PHACTR1: variants seen among roughly 807,000 people sequenced by gnomAD.
PHACTR1 encodes RPEL repeat containing 1.
A neutral mutation model predicts 69.2 loss-of-function variants in PHACTR1; 16 were observed. The observed-to-expected ratio is 0.23, with a 90% confidence interval of 0.16 to 0.35. The LOEUF (loss-of-function observed/expected upper bound fraction) is 0.35. Ranked by LOEUF, PHACTR1 falls within the 10% of genes least tolerant of loss-of-function variation. The pLI is 1.00. For missense variants in PHACTR1, 510 were observed against 734.7 expected, an observed-to-expected ratio of 0.69 and a Z score of 3.54; for synonymous variants, 312 against 284.5, an observed-to-expected ratio of 1.10 and a Z score of -0.97.
At chr6:12,753,621 G>C (rs1401374528) in intron 4 of PHACTR1, among the ~76,000 whole-genome samples, 1 of 152,084 alleles carries the variant, frequency 6.6e-6, no homozygotes, top group African/African-American at 2.4e-5. Flanking sequence ...TAACAGTATG[G>C]TCAACACCAG....
chr6:13,273,010 C>A lies in PHACTR1; in HGVS notation c.1447+95C>A, dbSNP rs116258059. 3.4e-3 allele frequency: 5,137 copies of A among 1,524,248 alleles called. 129 individuals are homozygous for A. The African/African-American group carries it at 0.053, about 16-fold the overall frequency. 94.4% of individuals were successfully genotyped at this position (1,524,248 alleles called of 1,614,324 possible). On this transcript the variant is annotated intron_variant, in intron 11 of 14. Coordinates refer to ENST00000332995, the MANE Select transcript of PHACTR1 (RefSeq NM_030948.6). ...ACAAGGTTTCTACCTTGCGCCTCTG[C>A]GGAAAGCATTGAAAACCTTTCTAAC...
At chr6:13,209,905 T>C (rs898301687) in intron 8 of PHACTR1, among the ~76,000 whole-genome samples, 4 of 152,232 alleles carry the variant, frequency 2.6e-5, no homozygotes, top group Non-Finnish European at 5.9e-5. Flanking sequence ...ATAGCTACCA[T>C]TCCCTTCATT....
At chr6:13,100,800 T>G (rs1471054598) in intron 5 of PHACTR1, among the ~76,000 whole-genome samples, 2 of 152,218 alleles carry the variant, frequency 1.3e-5, no homozygotes, top group Non-Finnish European at 2.9e-5. Flanking sequence ...TTATATCTCC[T>G]CAGTTACTTA....
intron 4 of PHACTR1, among the ~76,000 whole-genome samples, chr6:12,862,074 C>T (rs756566782): frequency 6.6e-6 from 1 of 151,950 alleles, no homozygotes; most frequent in South Asian, 2.1e-4. Context: ...ATTGTCTGTG[C>T]TTTTAAAGAA....
chr6:13,036,991 A>T (rs1202302674), intron 4 of PHACTR1, among the ~76,000 whole-genome samples: 1 of 152,182 alleles, frequency 6.6e-6, no homozygotes, highest in Non-Finnish European at 1.5e-5. Flanking sequence ...GTAGGGTCAT[A>T]TCAATTAGGA....
intron 3 of PHACTR1, among the ~76,000 whole-genome samples, chr6:12,720,713 A>C (rs1292438448): frequency 6.6e-6 from 1 of 152,038 alleles, no homozygotes; most frequent in African/African-American, 2.4e-5. Flanking sequence ...GTGTTTCAAA[A>C]CCCCCAGTCT....
rs578199080 is a variant in PHACTR1, at chr6:12,870,717, A to G, written c.250+120927A>G. Reference sequence around the variant, plus strand: ...ACGTTAAGCCTCTCCTTCTGGGTACATCAAAACTTCCTAAGCCCATCCTCA... The same window carrying G: ...ACGTTAAGCCTCTCCTTCTGGGTACGTCAAAACTTCCTAAGCCCATCCTCA... On this transcript the variant is annotated intron_variant, in intron 4 of 14. Coordinates refer to ENST00000332995, the MANE Select transcript of PHACTR1 (RefSeq NM_030948.6). Among the ~76,000 whole-genome samples, 8 of 152,286 alleles carry G rather than the reference A, an allele frequency of 5.3e-5. No individual in the cohort carries two copies. The South Asian group carries it at 1.0e-3, about 20-fold the overall frequency.
rs374592555 is a variant in PHACTR1 at position 13,272,556 on chromosome 6, G to A, written c.1392-304G>A. The A allele has an allele frequency of 2.7e-4, 162 of 605,528 alleles. 1 individual carries two copies. The African/African-American group carries it at 2.7e-3, about 10-fold the overall frequency. The allele number at this position is 605,528 out of a possible 1,614,324, so 37.5% of individuals were successfully genotyped here. On this transcript the variant is annotated intron_variant, in intron 10 of 14. Transcript: ENST00000332995. ...AAGGAAAGAAAAGGACTTCTGTGAAGAAAAGAGTCCCGTCTGAGTTGCAGT... is the reference window on the plus strand; with the variant it reads ...AAGGAAAGAAAAGGACTTCTGTGAAAAAAAGAGTCCCGTCTGAGTTGCAGT...
intron 4 of PHACTR1, among the ~76,000 whole-genome samples, chr6:12,877,187 T>C (rs1273654562): frequency 6.6e-6 from 1 of 152,176 alleles, no homozygotes; most frequent in Non-Finnish European, 1.5e-5. Context: ...CACATAGAAT[T>C]AACCCTCATG....
intron 7 of PHACTR1, among the ~76,000 whole-genome samples, chr6:13,189,837 T>G (rs1050318942): frequency 1.3e-5 from 2 of 152,112 alleles, no homozygotes; most frequent in Non-Finnish European, 2.9e-5. Context: ...AACTAAAGAA[T>G]GTAGATTGGG....
At chr6:12,824,467 G>A (rs1346718878) in intron 4 of PHACTR1, among the ~76,000 whole-genome samples, 2 of 152,150 alleles carry the variant, frequency 1.3e-5, no homozygotes, top group East Asian at 3.9e-4. Context: ...TGCCAAAAAG[G>A]CTGGGGACTG....
chr6:12,853,242 G>A (rs758766238), intron 4 of PHACTR1, among the ~76,000 whole-genome samples: 2 of 152,148 alleles, frequency 1.3e-5, no homozygotes, highest in Non-Finnish European at 2.9e-5. Flanking sequence ...GTAAACCTAC[G>A]TCACATGTGC....
intron 4 of PHACTR1, among the ~76,000 whole-genome samples, chr6:12,792,316 T>C (rs552631685): frequency 6.6e-6 from 1 of 150,562 alleles, no homozygotes; most frequent in Non-Finnish European, 1.5e-5. Context: ...AATACAAAAT[T>C]AGCCGGGCGT....
chr6:12,731,221 G>T (rs113574005), intron 3 of PHACTR1, among the ~76,000 whole-genome samples: 1 of 151,842 alleles, frequency 6.6e-6, no homozygotes, highest in African/African-American at 2.4e-5. Context: ...TCACCATGTT[G>T]GCCAGGCTGG....
intron 4 of PHACTR1, among the ~76,000 whole-genome samples, chr6:12,980,724 T>G (rs1164619558): frequency 6.6e-6 from 1 of 152,234 alleles, no homozygotes; most frequent in East Asian, 1.9e-4. Flanking sequence ...AACTTCTTTT[T>G]ACTTCATTCT....
chr6:13,069,232 G>A (rs1464601462), intron 5 of PHACTR1, among the ~76,000 whole-genome samples: 2 of 152,178 alleles, frequency 1.3e-5, no homozygotes, highest in African/African-American at 4.8e-5. Context: ...GTACAGAATT[G>A]AATTTCTTTG....
At chr6:13,133,986 G>A (rs940369434) in intron 5 of PHACTR1, among the ~76,000 whole-genome samples, 2 of 146,360 alleles carry the variant, frequency 1.4e-5, no homozygotes, top group African/African-American at 2.6e-5. Context: ...GCCCGGCCGC[G>A]ACTCCGTCTG....
At chr6:13,244,269 A>T (rs892117077) in intron 10 of PHACTR1, among the ~76,000 whole-genome samples, 1 of 152,212 alleles carries the variant, frequency 6.6e-6, no homozygotes, top group Non-Finnish European at 1.5e-5. Context: ...TAACAGGGTA[A>T]TAGAATATCA....
intron 4 of PHACTR1, among the ~76,000 whole-genome samples, chr6:13,003,978 T>C (rs1402268477): frequency 7.3e-5 from 9 of 123,948 alleles, no homozygotes; most frequent in Admixed American, 7.7e-5. Flanking sequence ...TATATATATA[T>C]ACACATATAT....
Sources: allele counts gnomAD v4.1 joint callset (sites outside exome capture counted in the v4.1 genomes callset), GRCh38; gene constraint gnomAD v4.1.1; transcripts MANE v1.5; gene names NCBI Gene and HGNC (gene_info 2026-07-23, HGNC 2026-07-21).